GNG7: variants seen among roughly 807,000 people sequenced by gnomAD.
The protein encoded by GNG7 is G protein subunit gamma 7, also known as guanine nucleotide-binding protein G(I)/G(S)/G(O) subunit gamma-7.
A neutral mutation model predicts 4.0 loss-of-function variants in GNG7; 1 was observed. The observed-to-expected ratio is 0.25, with a 90% CI of 0.09 to 1.18. The LOEUF is 1.18. GNG7 is among the 50% of genes most tolerant of loss of function. The pLI is 0.50. For synonymous variants in GNG7, 34 were observed against 36.9 expected, an observed-to-expected ratio of 0.92 and a Z score of 0.29; for missense variants, 86 against 91.9, an observed-to-expected ratio of 0.94 and a Z score of 0.26.
intron 2 of GNG7, among the ~76,000 whole-genome samples, chr19:2,594,114 T>A (rs1214722371): frequency 6.6e-6 from 1 of 152,122 alleles, no homozygotes; most frequent in African/African-American, 2.4e-5. Context: ...CTCACGCCTG[T>A]AATCCCAGCG....
chr19:2,657,282 T>C (rs962461101), intron 1 of GNG7, among the ~76,000 whole-genome samples: 2 of 137,142 alleles, frequency 1.5e-5, no homozygotes, highest in African/African-American at 5.7e-5. Flanking sequence ...TGCAGTGAGC[T>C]GAAATGGTGC....
At chr19:2,577,306 C>T (rs371278887) in intron 2 of GNG7, among the ~76,000 whole-genome samples, 54 of 152,144 alleles carry the variant, frequency 3.5e-4, no homozygotes, top group African/African-American at 1.3e-3. Flanking sequence ...AAGGCTCGCC[C>T]GGGGAAGGCT....
chr19:2,585,746 G>A (rs1030265746), intron 2 of GNG7, among the ~76,000 whole-genome samples: 1 of 152,164 alleles, frequency 6.6e-6, no homozygotes, highest in Non-Finnish European at 1.5e-5. Flanking sequence ...TGTTTCCCAG[G>A]CTGGAGTGCA....
At chr19:2,558,753 C>CTCTT (rs897671256) in intron 2 of GNG7, among the ~76,000 whole-genome samples, 1 of 151,208 alleles carries the variant, frequency 6.6e-6, no homozygotes. Context: ...TCCTTTCCTT[C>CTCTT]TCTTTCTTTC....
At chr19:2,537,978 G>A in intron 3 of GNG7, 1 of 372,336 alleles carries the variant, frequency 2.7e-6, no homozygotes. Context: ...TCAGGAGGCT[G>A]AGGTGGGAGA....
At chr19:2,670,971 G>A (rs1300499836) in intron 1 of GNG7, among the ~76,000 whole-genome samples, 2 of 152,128 alleles carry the variant, frequency 1.3e-5, no homozygotes, top group South Asian at 2.1e-4. Context: ...GAGAGGGGGT[G>A]AATCCCAGGA....
At chr19:2,518,319 C>T (rs1978292800) in intron 4 of GNG7, among the ~76,000 whole-genome samples, 1 of 152,142 alleles carries the variant, frequency 6.6e-6, no homozygotes, top group African/African-American at 2.4e-5. Flanking sequence ...GAGTCACCGC[C>T]CTCCGCCCGG....
At chr19:2,568,708 A>C (rs1212436131) in intron 2 of GNG7, among the ~76,000 whole-genome samples, 1 of 143,196 alleles carries the variant, frequency 7.0e-6, no homozygotes, top group African/African-American at 2.5e-5. Flanking sequence ...TAAAATATAG[A>C]CACACATATA....
chr19:2,663,648 G>A (rs912775037), intron 1 of GNG7, among the ~76,000 whole-genome samples: 5 of 152,126 alleles, frequency 3.3e-5, no homozygotes, highest in African/African-American at 1.2e-4. Flanking sequence ...TGATAATTGG[G>A]AGAGATGCAA....
At chr19:2,548,014 C>T (rs957980834) in intron 3 of GNG7, among the ~76,000 whole-genome samples, 6 of 152,162 alleles carry the variant, frequency 3.9e-5, no homozygotes, top group Admixed American at 6.5e-5. Context: ...CTCCAGGTCA[C>T]ATCATCAGAA....
intron 3 of GNG7, among the ~76,000 whole-genome samples, chr19:2,524,739 TGTGCACGTGTGTGGACACGGCACTGC>T (rs1978338965): frequency 6.9e-6 from 1 of 145,858 alleles, no homozygotes; most frequent in African/African-American, 2.6e-5. Context: ...CACGTGTGTA[TGTGCACGTGTGTGGACACGGCACTGC>T]ATGTGCGTGT....
intron 1 of GNG7, among the ~76,000 whole-genome samples, chr19:2,698,200 G>A (rs570798477): frequency 6.6e-6 from 1 of 151,578 alleles, no homozygotes; most frequent in East Asian, 1.9e-4. Context: ...CCAGGAGGCA[G>A]AGGTTGCAGT....
intron 2 of GNG7, chr19:2,632,648 G>T (rs1450291823): frequency 1.3e-5 from 2 of 152,230 alleles, no homozygotes; most frequent in South Asian, 2.1e-4. Flanking sequence ...CCCTGGCACT[G>T]CAGGGTGCTG....
chr19:2,521,105 A>T (rs1978306017), intron 3 of GNG7, among the ~76,000 whole-genome samples: 1 of 151,724 alleles, frequency 6.6e-6, no homozygotes. Flanking sequence ...AAAAAAAAAA[A>T]AAATACAAAA....
At chr19:2,534,577 C>G (rs1033494176) in intron 3 of GNG7, among the ~76,000 whole-genome samples, 1 of 152,280 alleles carries the variant, frequency 6.6e-6, no homozygotes, top group Non-Finnish European at 1.5e-5. Context: ...TTTCCAGATT[C>G]GGAAATCCTG....
intron 1 of GNG7, among the ~76,000 whole-genome samples, chr19:2,661,341 A>AAAGAAAGG (rs1983170237): frequency 1.7e-4 from 25 of 149,096 alleles, no homozygotes; most frequent in African/African-American, 6.0e-4. Context: ...AGAAAGAAAG[A>AAAGAAAGG]AAGAAAGAAA....
intron 2 of GNG7, among the ~76,000 whole-genome samples, chr19:2,562,990 G>A (rs141053022): frequency 6.6e-6 from 1 of 151,908 alleles, no homozygotes. Context: ...TGTCGCCCAG[G>A]CTGGAGTGCA....
At chr19:2,554,790 G>C (rs370010217) in intron 3 of GNG7, among the ~76,000 whole-genome samples, 1 of 151,050 alleles carries the variant, frequency 6.6e-6, no homozygotes, top group African/African-American at 2.4e-5. Flanking sequence ...CCTGACCTCA[G>C]GTGACCCACC....
rs556936519 is a variant in GNG7 at position 2,545,099 on chromosome 19, A to T, written c.-38+10050T>A. Among the ~76,000 whole-genome samples the T allele has an allele frequency of 2.6e-5, 4 of 152,070 alleles. No individual in the cohort carries two copies. In the South Asian group the frequency reaches 8.3e-4, roughly 32 times the overall value. On this transcript the variant is annotated intron_variant, in intron 3 of 4. Transcript: ENST00000382159. Reference sequence around the variant, plus strand: ...CACAGCAGAGGATCATGGGACGCAGAGTCTCTTGGGGGTCCGTGGAATCCC... The same window carrying T: ...CACAGCAGAGGATCATGGGACGCAGTGTCTCTTGGGGGTCCGTGGAATCCC...
Sources: allele counts gnomAD v4.1 joint callset (sites outside exome capture counted in the v4.1 genomes callset), GRCh38; gene constraint gnomAD v4.1.1; transcripts MANE v1.5; gene names NCBI Gene and HGNC (gene_info 2026-07-23, HGNC 2026-07-21).